AGRN: variants seen among roughly 807,000 people sequenced by gnomAD.
The protein encoded by AGRN is agrin.
Under a neutral mutation model 211.0 loss-of-function variants are expected in AGRN, and 106 were observed. That is an observed-to-expected ratio of 0.50 (90% confidence interval 0.43 to 0.59). AGRN has a LOEUF of 0.59. Ranked by LOEUF, AGRN falls within the 20% of genes least tolerant of loss-of-function variation. The pLI is 0.00. For missense variants in AGRN, 3,040 were observed against 2,982.6 expected (o/e 1.02, Z -0.45); for synonymous variants, 1,525 against 1,332.5 (o/e 1.14, Z -3.15).
intron 6 of AGRN, 84 bp from the exon 7 acceptor site, chr1:1,041,872 C>T (rs1339948591): frequency 1.9e-6 from 3 of 1,583,830 alleles, no homozygotes; most frequent in African/African-American, 1.3e-5. Flanking sequence ...GGAGGGCCGC[C>T]TGCTCCCCTG....
chr1:1,044,197 G>C lies in AGRN; in HGVS notation c.2088G>C (p.Glu696Asp). Residue 696 changes from glutamate (E) to aspartate (D), a missense_variant, in exon 11 of 36, where the codon GAG becomes GAC. Glu to Asp is a conservative substitution (Grantham distance 45). Transcript: ENST00000379370. ...GGCAGCGCGGTGGCATCTGGGACGA[G>C]GACTCGGAGGACGGGCCGTGTGTCT... The part of the protein sequence containing the change: ...LCRQRGGIWD[E>D]DSEDGPCVCD... The C allele has an allele frequency of 6.2e-7, 1 of 1,613,168 alleles. No homozygotes were observed. Among genetic ancestry groups the C allele is most frequent in the Non-Finnish European group, 8.5e-7 (1 of 1,179,902 alleles).
chr1:1,049,483 C>G lies in AGRN; in HGVS notation c.4514+32C>G, dbSNP rs200600007. ...CCCTTGGAGGGTGGTGTGGCCCCGA[C>G]CCCGGCCCTTTGGGGTCCCGGTGTA... On this transcript the variant is annotated intron_variant, in intron 25 of 35. Transcript: ENST00000379370. 50 of 1,600,374 alleles carry G rather than the reference C, an allele frequency of 3.1e-5. No individual in the cohort carries two copies. In the African/African-American group the frequency reaches 6.4e-4, roughly 20 times the overall value.
At position 1,047,526 on chromosome 1, in the gene AGRN, G is replaced by A. The variant is rs146562180; in HGVS notation, c.3517-47G>A. Reference sequence around the variant, plus strand: ...AGATACCCAGAGCAGCACCAGGGCAGCCCGGCTTGGGCGGCCCCCCAAGTC... The same window carrying A: ...AGATACCCAGAGCAGCACCAGGGCAACCCGGCTTGGGCGGCCCCCCAAGTC... On this transcript the variant is annotated intron_variant, in intron 20 of 35. Transcript: ENST00000379370. 8.9e-4 allele frequency: 1,434 copies of A among 1,612,544 alleles called. 12 individuals carry two copies. In the African/African-American group the frequency reaches 0.012, roughly 14 times the overall value.
Position 1,044,455 on chromosome 1 carries a change from G to A in AGRN, c.2254+16G>A, listed in dbSNP as rs114389542. The A allele has an allele frequency of 7.3e-3, 11,738 of 1,597,636 alleles. 212 individuals carry two copies. Among genetic ancestry groups the A allele is most frequent in the African/African-American group, 0.064 (4,758 of 74,574 alleles). ...GCCTGCCGAGGTGAGCCGGCTGCACGTGGGGTCTCAGGCACAGGCGGGGCG... is the reference window on the plus strand; with the variant it reads ...GCCTGCCGAGGTGAGCCGGCTGCACATGGGGTCTCAGGCACAGGCGGGGCG... On this transcript the variant is annotated intron_variant, in intron 12 of 35. Transcript: ENST00000379370.
intron 3 of AGRN, among the ~76,000 whole-genome samples, chr1:1,040,121 G>A (rs1644892678): frequency 6.6e-6 from 1 of 152,222 alleles, no homozygotes; most frequent in African/African-American, 2.4e-5. Context: ...GCCAGACGCG[G>A]GACCTGGGTG....
chr1:1,033,374 C>T (rs911902327), intron 2 of AGRN, among the ~76,000 whole-genome samples: 1 of 151,688 alleles, frequency 6.6e-6, no homozygotes, highest in African/African-American at 2.4e-5. Context: ...CGCACGACGA[C>T]GCGCACACGC....
rs987342075 is a variant in AGRN at position 1,040,870 on chromosome 1, C to T, written c.717C>T (p.Arg239=). The change falls in exon 4 of 36, where the codon CGC becomes CGT. Residue 239 remains arginine, a synonymous_variant. Transcript: ENST00000379370. ...SQQRRIRLLS[R]GPCGSRDPCS... is the part of the protein sequence containing the mutation. ...AGCGCCGCATCCGCCTGCTCAGCCG[C>T]GGGCCGTGCGGTGAGCGGGGCGGGG... 3.3e-6 allele frequency: 5 copies of T among 1,504,226 alleles called. No homozygotes were observed. Among genetic ancestry groups the T allele is most frequent in the Non-Finnish European group, 4.4e-6 (5 of 1,133,184 alleles). 93.2% of individuals were successfully genotyped at this position (1,504,226 alleles called of 1,614,324 possible).
chr1:1,044,728 C>T (rs1012494923), intron 12 of AGRN, among the ~76,000 whole-genome samples: 3 of 152,164 alleles, frequency 2.0e-5, no homozygotes, highest in South Asian at 2.1e-4. Context: ...TACGTCCATC[C>T]GGTCGATGTA....
chr1:1,035,719 T>C (rs1644788576), intron 3 of AGRN, among the ~76,000 whole-genome samples: 1 of 151,956 alleles, frequency 6.6e-6, no homozygotes, highest in African/African-American at 2.4e-5. Flanking sequence ...AGGCTGGAAG[T>C]GGACAGGAGC....
chr1:1,047,952 G>T, intron 22 of AGRN, 57 bp downstream of exon 22: 1 of 1,581,302 alleles, frequency 6.3e-7, no homozygotes. Flanking sequence ...CCATGCCCCT[G>T]CCCCTCACCC....
intron 7 of AGRN, among the ~76,000 whole-genome samples, chr1:1,042,688 C>A (rs1644977686): frequency 6.6e-6 from 1 of 152,192 alleles, no homozygotes; most frequent in East Asian, 1.9e-4. Flanking sequence ...TTGTGTCTTC[C>A]AGCCTGACCT....
At chr1:1,049,832 CG>C in intron 26 of AGRN, 37 bp downstream of exon 26, 1 of 1,609,884 alleles carries the variant, frequency 6.2e-7, no homozygotes, top group East Asian at 2.2e-5. Context: ...AGTGGGACCC[CG>C]GGGCCTGTGG....
rs1645304720 is a variant in AGRN, at chr1:1,051,892, G to T, written c.5651+77G>T. On this transcript the variant is annotated intron_variant, in intron 33 of 35. Transcript: ENST00000379370. ...GGACACCGGACCCCCACACCAGGAG[G>T]GCCCAGGAGGGGACGGCCCGGTGCT... 6 of 1,580,580 alleles carry T rather than the reference G, an allele frequency of 3.8e-6. No individual in the cohort carries two copies. In the South Asian group the frequency reaches 6.8e-5, roughly 18 times the overall value.
chr1:1,045,846 C>G lies in AGRN; in HGVS notation c.2650C>G (p.Arg884Gly), dbSNP rs539990009. 2.4e-5 allele frequency: 38 copies of G among 1,611,626 alleles called. No individual in the cohort carries two copies. The highest frequency in any genetic ancestry group is 3.2e-5 in the Non-Finnish European group (38 of 1,179,848). Residue 884 changes from arginine (R) to glycine (G), a missense_variant, in exon 15 of 36, where the codon CGT (arginine) becomes GGT (glycine). By Grantham distance (125) the Arg-to-Gly change is moderately radical. Coordinates refer to ENST00000379370, the MANE Select transcript of AGRN (RefSeq NM_198576.4). ...CAAGTGTGGGCAGTGTCCAGACGGC[C>G]GTGCCCTGGGCCCCGCGGGCTGTGA... ...GPKCGQCPDG[R>G]ALGPAGCEAD...
At chr1:1,051,165 CG>C in intron 30 of AGRN, 87 bp from the exon 31 acceptor site, 2 of 482,220 alleles carry the variant, frequency 4.1e-6, no homozygotes. Context: ...AGGCAATGGG[CG>C]GGTGGGGCGG....
Position 1,050,340 on chromosome 1 carries a change from C to T in AGRN, c.4976+11C>T. The T allele has an allele frequency of 6.2e-7, 1 of 1,612,716 alleles. No individual in the cohort carries two copies. Among genetic ancestry groups the T allele is most frequent in the Non-Finnish European group, 8.5e-7 (1 of 1,179,860 alleles). Reference sequence around the variant, plus strand: ...TGCACGGGACCTGGGGTCGGTGGGGCAGGAGCAGGGGGAAGGGCCGGCCCC... The same window carrying T: ...TGCACGGGACCTGGGGTCGGTGGGGTAGGAGCAGGGGGAAGGGCCGGCCCC... On this transcript the variant is annotated intron_variant, in intron 28 of 35. Transcript: ENST00000379370.
intron 35 of AGRN, 28 bp downstream of exon 35, chr1:1,054,579 G>A: frequency 1.3e-6 from 2 of 1,561,282 alleles, no homozygotes; most frequent in Non-Finnish European, 1.7e-6. Flanking sequence ...ACTAGAGAGG[G>A]ATGCCCAAGG....
At chr1:1,053,296 T>G in intron 33 of AGRN, 2 of 475,716 alleles carry the variant, frequency 4.2e-6, no homozygotes, top group Non-Finnish European at 6.7e-6. Context: ...CGCACAAGCA[T>G]GTGTAGGTGT....
chr1:1,049,175 C>T, intron 24 of AGRN, 61 bp from the exon 25 acceptor site: 21 of 1,329,838 alleles, frequency 1.6e-5, no homozygotes, highest in Non-Finnish European at 2.0e-5. Context: ...CGGGGCAGCT[C>T]AGGTAGGCGG....
Sources: allele counts gnomAD v4.1 joint callset (sites outside exome capture counted in the v4.1 genomes callset), GRCh38; gene constraint gnomAD v4.1.1; transcripts MANE v1.5; gene names NCBI Gene and HGNC (gene_info 2026-07-23, HGNC 2026-07-21).